The following VWA3A variants were observed in gnomAD, a reference collection of about 807,000 sequenced individuals.
The protein encoded by VWA3A is von Willebrand factor A domain containing 3A.
Under a neutral mutation model 160.4 loss-of-function variants are expected in VWA3A, and 134 were observed. The ratio of observed to expected loss-of-function variants is 0.84; its 90% confidence interval spans 0.73 to 0.96. VWA3A has a LOEUF of 0.96. VWA3A is among the 40% of genes least tolerant of loss of function. VWA3A has a pLI of 0.00. For missense variants in VWA3A, 1,310 were observed against 1,447.9 expected, an observed-to-expected ratio of 0.90 and a Z score of 1.55; for synonymous variants, 476 against 543.4, an observed-to-expected ratio of 0.88 and a Z score of 1.72.
chr16:22,146,398 C>T, intron 27 of VWA3A, 54 bp downstream of exon 27: 1 of 1,514,976 alleles, frequency 6.6e-7, no homozygotes, highest in Non-Finnish European at 9.1e-7. Flanking sequence ...ATGTAGAAGG[C>T]TAGCCCCAGG....
intron 16 of VWA3A, among the ~76,000 whole-genome samples, chr16:22,125,315 G>T (rs2045826328): frequency 6.6e-6 from 1 of 152,020 alleles, no homozygotes. Context: ...GAGCCCAGGA[G>T]GTTGAGGCTT....
chr16:22,129,107 A>T (rs971700486), intron 17 of VWA3A, among the ~76,000 whole-genome samples: 6 of 152,054 alleles, frequency 3.9e-5, no homozygotes, highest in Non-Finnish European at 8.8e-5. Context: ...AGGTGCATGG[A>T]GGCTGGGTAC....
At chr16:22,135,363 T>C (rs2046021068) in intron 21 of VWA3A, among the ~76,000 whole-genome samples, 1 of 152,158 alleles carries the variant, frequency 6.6e-6, no homozygotes, top group African/African-American at 2.4e-5. Context: ...TCCCTTCTCC[T>C]CTTACATGGA....
intron 6 of VWA3A, among the ~76,000 whole-genome samples, chr16:22,106,137 C>T (rs886095902): frequency 1.3e-5 from 2 of 152,108 alleles, no homozygotes; most frequent in African/African-American, 4.8e-5. Context: ...GTAATCCCAG[C>T]ACTTTGGGAG....
At chr16:22,152,397 C>A in intron 30 of VWA3A, 114 bp from the exon 31 acceptor site, 1 of 1,391,514 alleles carries the variant, frequency 7.2e-7, no homozygotes, top group Non-Finnish European at 9.6e-7. Flanking sequence ...CGGCCCATTG[C>A]CAGGCTGATT....
intron 15 of VWA3A, 134 bp downstream of exon 15, chr16:22,123,299 C>A: frequency 9.0e-7 from 1 of 1,106,280 alleles, no homozygotes; most frequent in Non-Finnish European, 1.3e-6. Context: ...GCTCCACCTA[C>A]AGGCCTCCTG....
intron 27 of VWA3A, 84 bp from the exon 28 acceptor site, chr16:22,148,078 C>A: frequency 6.9e-7 from 1 of 1,455,738 alleles, no homozygotes; most frequent in Non-Finnish European, 9.1e-7. Flanking sequence ...AGACTTTATA[C>A]TTGATAGATA....
chr16:22,120,203 A>T (rs1190208668), intron 12 of VWA3A, among the ~76,000 whole-genome samples: 1 of 152,170 alleles, frequency 6.6e-6, no homozygotes, highest in Non-Finnish European at 1.5e-5. Flanking sequence ...AAATAGATTG[A>T]GTTTGGATTG....
intron 6 of VWA3A, among the ~76,000 whole-genome samples, chr16:22,104,258 T>A (rs1212096913): frequency 2.0e-5 from 3 of 152,076 alleles, no homozygotes; most frequent in Non-Finnish European, 4.4e-5. Flanking sequence ...GAGGCCTAGG[T>A]AGGTGGATCA....
chr16:22,102,929 C>T (rs758556544), intron 5 of VWA3A, among the ~76,000 whole-genome samples: 1 of 152,190 alleles, frequency 6.6e-6, no homozygotes, highest in African/African-American at 2.4e-5. Context: ...TGATTCCACC[C>T]CTTGATCCAC....
chr16:22,099,238 G>A (rs2045372119), intron 3 of VWA3A, among the ~76,000 whole-genome samples: 1 of 152,148 alleles, frequency 6.6e-6, no homozygotes, highest in South Asian at 2.1e-4. Context: ...TATGATTTTA[G>A]GTGCCTTTCA....
rs780820718 is a variant in VWA3A at position 22,111,008 on chromosome 16, C to G, written c.689+14C>G. On this transcript the variant is annotated intron_variant, in intron 8 of 33. Coordinates refer to ENST00000389398, the MANE Select transcript of VWA3A (RefSeq NM_173615.5). The stretch of plus-strand genomic sequence containing the variant: ...CAGCGCCTCCACGTGAGTGGCTTTC[C>G]TACCTGACGGTGATGTTCACTTGTT... The G allele has an allele frequency of 2.5e-6, 4 of 1,586,400 alleles. No individual in the cohort carries two copies. In the African/African-American group the frequency reaches 4.0e-5, roughly 16 times the overall value.
At chr16:22,094,411 A>G (rs2045284580) in intron 1 of VWA3A, among the ~76,000 whole-genome samples, 1 of 152,112 alleles carries the variant, frequency 6.6e-6, no homozygotes, top group Admixed American at 6.5e-5. Context: ...GACTTGAAAG[A>G]GAAAAGCAAG....
At position 22,154,015 on chromosome 16, in the gene VWA3A, A is replaced by G. The variant is rs140957036; in HGVS notation, c.3405+1381A>G. 6.7e-3 allele frequency among the ~76,000 whole-genome samples: 1,021 copies of G among 152,288 alleles called. 14 individuals are homozygous for G. The highest frequency in any genetic ancestry group is 9.7e-3 in the Non-Finnish European group (659 of 68,022). Reference sequence around the variant, plus strand: ...GAGCTTCCCAAAGTGTTGGGATTACAGGTGTGAACCGTCAGGCTCGGCTGG... The same window carrying G: ...GAGCTTCCCAAAGTGTTGGGATTACGGGTGTGAACCGTCAGGCTCGGCTGG... On this transcript the variant is annotated intron_variant, in intron 31 of 33. Transcript: ENST00000389398.
chr16:22,106,825 T>C (rs1029001393), intron 6 of VWA3A, among the ~76,000 whole-genome samples: 5 of 152,186 alleles, frequency 3.3e-5, no homozygotes, highest in Non-Finnish European at 7.3e-5. Context: ...ACTCAAGCTC[T>C]AGGGTCGACA....
chr16:22,149,650 G>T, intron 28 of VWA3A, 137 bp from the exon 29 acceptor site: 1 of 1,127,836 alleles, frequency 8.9e-7, no homozygotes. Context: ...CACAGGGCTC[G>T]TTGTAGGGGT....
rs761441213 is a variant in VWA3A at position 22,155,887 on chromosome 16, G to A, written c.3540G>A (p.Lys1180=). The A allele has an allele frequency of 8.7e-6, 14 of 1,613,864 alleles. No individual in the cohort carries two copies. The highest frequency in any genetic ancestry group is 1.1e-5 in the South Asian group (1 of 91,084). ...AGAAGAAAAATGATGCAGAACCAAA[G>A]GTCACTCTTTCCTAGAGAAGTGTTC... ...QLQKKNDAEP[K]VTLS Residue 1180 remains lysine, a synonymous_variant, in exon 33 of 34, where the codon AAG becomes AAA. Transcript: ENST00000389398.
In VWA3A at chr16:22,138,457, G is replaced by A. The variant is rs1880054982; in HGVS notation, c.2237G>A (p.Ser746Asn). The A allele has an allele frequency of 6.2e-7, 1 of 1,613,552 alleles. No homozygotes were observed. Among genetic ancestry groups the A allele is most frequent in the African/African-American group, 1.3e-5 (1 of 74,834 alleles). ...AAACCAAAGACACTTCAGCTAAGAA[G>A]TCAGCCCAAGAAGCTCTGCCCTCCC... is the stretch of plus-strand genomic sequence containing the variant. ...KEKPKTLQLRSQPKKLCPPRP... is the reference protein window; with the variant it reads ...KEKPKTLQLRNQPKKLCPPRP... Residue 746 changes from serine (S) to asparagine (N), a missense_variant, in exon 22 of 34, where the codon AGT (serine) becomes AAT (asparagine). Physicochemically the swap from Ser to Asn is conservative, Grantham distance 46. Coordinates refer to ENST00000389398, the MANE Select transcript of VWA3A (RefSeq NM_173615.5).
In VWA3A at chr16:22,100,433, T is replaced by C. The variant is rs1412743173; in HGVS notation, c.368T>C (p.Val123Ala). ...GTEVLEEGTN[V>A]VQKICFSTQI... ...TTCTTCAGGGAGGAGGGCACCAATGTCGTGCAGAAAATATGTTTCTCCACC... is the reference window on the plus strand; with the variant it reads ...TTCTTCAGGGAGGAGGGCACCAATGCCGTGCAGAAAATATGTTTCTCCACC... The change falls in exon 5 of 34, where the codon GTC becomes GCC. Residue 123 changes from valine to alanine, a missense_variant. Transcript: ENST00000389398. 2.6e-6 allele frequency: 4 copies of C among 1,551,550 alleles called. No homozygotes were observed. The African/African-American group carries it at 4.1e-5, about 16-fold the overall frequency.
Sources: allele counts gnomAD v4.1 joint callset (sites outside exome capture counted in the v4.1 genomes callset), GRCh38; gene constraint gnomAD v4.1.1; transcripts MANE v1.5; gene names NCBI Gene and HGNC (gene_info 2026-07-23, HGNC 2026-07-21).